The following GAPVD1 variants were observed in gnomAD, a reference collection of about 807,000 sequenced individuals.
The protein encoded by GAPVD1 is GTPase activating protein and VPS9 domains 1.
A neutral mutation model predicts 155.5 loss-of-function variants in GAPVD1; 35 were observed. That is an observed-to-expected ratio of 0.23 (90% CI 0.17 to 0.30). GAPVD1 has a LOEUF of 0.30. GAPVD1 is among the 10% of genes least tolerant of loss of function. GAPVD1 has a pLI of 1.00. For missense variants in GAPVD1, 1,429 were observed against 1,775.7 expected, an observed-to-expected ratio of 0.80 and a Z score of 3.51; for synonymous variants, 636 against 619.7, an observed-to-expected ratio of 1.03 and a Z score of -0.39.
chr9:125,270,051 AT>A (rs1456838573), intron 2 of GAPVD1, among the ~76,000 whole-genome samples: 2 of 151,686 alleles, frequency 1.3e-5, no homozygotes, highest in Non-Finnish European at 2.9e-5. Context: ...AGGACCAATA[AT>A]TTTTTTTACT....
intron 2 of GAPVD1, among the ~76,000 whole-genome samples, chr9:125,274,004 A>C (rs1165238282): frequency 6.6e-6 from 1 of 151,096 alleles, no homozygotes; most frequent in African/African-American, 2.4e-5. Context: ...TATTATTATT[A>C]TTATCTTGAG....
intron 10 of GAPVD1, among the ~76,000 whole-genome samples, chr9:125,323,580 C>T (rs143729459): frequency 1.3e-5 from 2 of 152,338 alleles, no homozygotes; most frequent in African/African-American, 4.8e-5. Flanking sequence ...ACTGGGATTA[C>T]AGGCATGAGG....
At chr9:125,264,217 C>T (rs1363964124) in intron 1 of GAPVD1, 24 of 597,668 alleles carry the variant, frequency 4.0e-5, no homozygotes, top group Non-Finnish European at 6.0e-5. Flanking sequence ...TGTTTTGAGA[C>T]GGAGTCTGGC....
At chr9:125,305,815 G>A (rs1330955087) in intron 6 of GAPVD1, among the ~76,000 whole-genome samples, 1 of 151,890 alleles carries the variant, frequency 6.6e-6, no homozygotes, top group African/African-American at 2.4e-5. Context: ...CACCATGCCC[G>A]GCTAAGTGTT....
intron 6 of GAPVD1, 151 bp downstream of exon 6, chr9:125,305,300 C>T (rs1841589093): frequency 3.5e-6 from 2 of 574,568 alleles, no homozygotes; most frequent in South Asian, 4.5e-5. Context: ...ATGATTAATT[C>T]CCACAGATGT....
intron 27 of GAPVD1, among the ~76,000 whole-genome samples, chr9:125,361,446 C>T (rs1305801201): frequency 2.0e-5 from 3 of 151,704 alleles, no homozygotes; most frequent in Non-Finnish European, 4.4e-5. Flanking sequence ...ATCACTTGAA[C>T]CTGGGCAGCA....
At chr9:125,341,663 G>A (rs1847866338) in intron 18 of GAPVD1, 1 of 163,820 alleles carries the variant, frequency 6.1e-6, no homozygotes, top group East Asian at 1.8e-4. Context: ...TTATGTCTAT[G>A]TTCATTGAGA....
At chr9:125,357,323 A>C (rs1850229356) in intron 25 of GAPVD1, among the ~76,000 whole-genome samples, 1 of 152,184 alleles carries the variant, frequency 6.6e-6, no homozygotes, top group South Asian at 2.1e-4. Flanking sequence ...TCACACTTGT[A>C]ATCGCAGCAC....
chr9:125,282,705 C>T (rs1232508848), intron 2 of GAPVD1, among the ~76,000 whole-genome samples: 2 of 152,096 alleles, frequency 1.3e-5, no homozygotes, highest in Non-Finnish European at 2.9e-5. Context: ...CTTTAGTTAT[C>T]TTACAGTATA....
intron 20 of GAPVD1, among the ~76,000 whole-genome samples, chr9:125,348,244 A>G (rs1848783908): frequency 6.6e-6 from 1 of 152,098 alleles, no homozygotes; most frequent in Non-Finnish European, 1.5e-5. Context: ...TTTTGTAGAG[A>G]TGGGGCTTCG....
At chr9:125,326,801 C>CT (rs1036675029) in intron 12 of GAPVD1, among the ~76,000 whole-genome samples, 1 of 151,056 alleles carries the variant, frequency 6.6e-6, no homozygotes, top group African/African-American at 2.4e-5. Flanking sequence ...AATCCCACCC[C>CT]TTACCCATCC....
rs1176860087 is a variant in GAPVD1 at position 125,302,308 on chromosome 9, T to C, written c.511T>C (p.Leu171=). The C allele has an allele frequency of 2.5e-6, 4 of 1,613,952 alleles. No individual in the cohort carries two copies. Residue 171 remains leucine (L), a synonymous_variant, in exon 5 of 28, where the codon TTG becomes CTG. Transcript: ENST00000297933. ...AGAAAGTGACAACCCTAGGCGACTT[T>C]TGAGGAGAGGAACTTGTGCCTTCAG... ...LKESDNPRRL[L]RRGTCAFSIL...
intron 2 of GAPVD1, among the ~76,000 whole-genome samples, chr9:125,274,111 C>T (rs947290347): frequency 2.0e-5 from 3 of 150,384 alleles, no homozygotes; most frequent in Non-Finnish European, 4.4e-5. Context: ...TCTGCCTCCC[C>T]GGTTCAAGCG....
intron 13 of GAPVD1, among the ~76,000 whole-genome samples, chr9:125,330,465 T>A (rs531164695): frequency 6.6e-6 from 1 of 151,990 alleles, no homozygotes; most frequent in South Asian, 2.1e-4. Context: ...ATTACAGACA[T>A]GCCCCACCAT....
rs150510629 is a variant in GAPVD1, at chr9:125,284,317, T to A, written c.-149-11141T>A. 6.1e-3 allele frequency among the ~76,000 whole-genome samples: 929 copies of A among 151,404 alleles called. 7 individuals are homozygous for A. Among genetic ancestry groups the A allele is most frequent in the Middle Eastern group, 0.024 (7 of 290 alleles). Reference sequence around the variant, plus strand: ...CTCCTGCCTTAACCTCCTGAGTAGCTGGTGGTGCACACCACCATGCCCAGC... The same window carrying A: ...CTCCTGCCTTAACCTCCTGAGTAGCAGGTGGTGCACACCACCATGCCCAGC... On this transcript the variant is annotated intron_variant, in intron 2 of 27. Transcript: ENST00000297933.
intron 3 of GAPVD1, among the ~76,000 whole-genome samples, chr9:125,298,063 T>G (rs149309955): frequency 4.7e-4 from 71 of 152,258 alleles, no homozygotes; most frequent in Middle Eastern, 3.4e-3. Flanking sequence ...GACTTTTTAA[T>G]TCACTATGCT....
intron 23 of GAPVD1, among the ~76,000 whole-genome samples, chr9:125,353,434 C>T (rs963876950): frequency 6.6e-6 from 1 of 152,184 alleles, no homozygotes; most frequent in Non-Finnish European, 1.5e-5. Flanking sequence ...TTCTTCTGAG[C>T]CCTCCAAACT....
At position 125,331,400 on chromosome 9, in the gene GAPVD1, C is replaced by T. The variant is rs544759765; in HGVS notation, c.2174-526C>T. On this transcript the variant is annotated intron_variant, in intron 13 of 27. Transcript: ENST00000297933. The stretch of plus-strand genomic sequence containing the variant: ...ATTTTTAGTAGAGATGGGATTTCAC[C>T]GTGTTGGGCATGCTGGTCTCGAACT... Among the ~76,000 whole-genome samples, 6 of 152,178 alleles carry T rather than the reference C, an allele frequency of 3.9e-5. No individual in the cohort carries two copies. The South Asian group carries it at 8.3e-4, about 21-fold the overall frequency.
At chr9:125,265,812 A>C (rs1170209390) in intron 1 of GAPVD1, among the ~76,000 whole-genome samples, 1 of 148,024 alleles carries the variant, frequency 6.8e-6, no homozygotes, top group African/African-American at 2.5e-5. Context: ...CATGCCTATA[A>C]TTTTAGCACT....
Sources: allele counts gnomAD v4.1 joint callset (sites outside exome capture counted in the v4.1 genomes callset), GRCh38; gene constraint gnomAD v4.1.1; transcripts MANE v1.5; gene names NCBI Gene and HGNC (gene_info 2026-07-23, HGNC 2026-07-21).